The following NWD2 variants were observed in gnomAD, a reference collection of about 807,000 sequenced individuals.
The protein encoded by NWD2 is NACHT and WD repeat domain-containing protein 2.
NWD2 carries 37 observed loss-of-function variants against 132.7 expected under a neutral mutation model. The observed-to-expected ratio is 0.28, with a 90% CI of 0.21 to 0.37. The LOEUF (loss-of-function observed/expected upper bound fraction) is 0.37, where lower values mean the gene tolerates loss of function less well. Among genes scored for constraint, NWD2 ranks in the 10% least tolerant of loss-of-function variants. The pLI is 1.00. For synonymous variants in NWD2, 705 were observed against 803.0 expected, an observed-to-expected ratio of 0.88 and a Z score of 2.06; for missense variants, 1,592 against 2,122.4, an observed-to-expected ratio of 0.75 and a Z score of 4.91.
Position 37,245,138 on chromosome 4 carries a change from C to G in NWD2, c.71C>G (p.Ser24Cys), listed in dbSNP as rs1259257788. ...TCTGCGCTCCGGCGGGCGGCTTTCT[C>G]TGGGAACCTCACGGCCCTGCCCTCT... ...RDSALRRAAF[S>C]GNLTALPSHL... Residue 24 changes from serine to cysteine, a missense_variant, in exon 1 of 7, where the codon TCT becomes TGT. This residue lies in a region of NWD2 where 88 missense variants were observed against 92.8 expected (regional missense o/e 0.95). Coordinates refer to ENST00000309447, the MANE Select transcript of NWD2 (RefSeq NM_001144990.2). The G allele has an allele frequency of 4.5e-6, 7 of 1,547,974 alleles. No homozygotes were observed. The East Asian group carries it at 1.5e-4, about 32-fold the overall frequency.
intron 3 of NWD2, among the ~76,000 whole-genome samples, chr4:37,368,806 C>G (rs1212183681): frequency 6.6e-6 from 1 of 152,098 alleles, no homozygotes; most frequent in Non-Finnish European, 1.5e-5. Flanking sequence ...GAGGCCAGAC[C>G]TTCTAAGTTA....
intron 3 of NWD2, among the ~76,000 whole-genome samples, chr4:37,359,554 C>G (rs28680361): frequency 6.6e-6 from 1 of 151,960 alleles, no homozygotes; most frequent in East Asian, 1.9e-4. Context: ...ATAATACTTC[C>G]CCTAATGCTG....
At chr4:37,255,012 A>G (rs565380379) in intron 1 of NWD2, among the ~76,000 whole-genome samples, 5 of 152,340 alleles carry the variant, frequency 3.3e-5, no homozygotes, top group African/African-American at 1.2e-4. Context: ...CTTGCCGCAG[A>G]ACGTCTCCTT....
intron 3 of NWD2, among the ~76,000 whole-genome samples, chr4:37,402,997 TGA>T (rs373710677): frequency 1.3e-5 from 2 of 151,496 alleles, no homozygotes; most frequent in African/African-American, 2.4e-5. Flanking sequence ...ATTAATTCCC[TGA>T]GAGAGAGAGA....
intron 3 of NWD2, among the ~76,000 whole-genome samples, chr4:37,420,701 A>T (rs1711783391): frequency 6.6e-6 from 1 of 152,138 alleles, no homozygotes; most frequent in African/African-American, 2.4e-5. Flanking sequence ...AAGAATAAAA[A>T]GGAAGAAAAA....
At chr4:37,313,803 A>G (rs1718901991) in intron 1 of NWD2, among the ~76,000 whole-genome samples, 1 of 150,890 alleles carries the variant, frequency 6.6e-6, no homozygotes, top group Non-Finnish European at 1.5e-5. Context: ...GGTTCAAGTG[A>G]TTCTGCTGCC....
chr4:37,415,568 G>C (rs144284640), intron 3 of NWD2, among the ~76,000 whole-genome samples: 7,717 of 152,026 alleles, frequency 0.051, 303 homozygotes, highest in African/African-American at 0.11. Context: ...GCCGGGCGTG[G>C]TGGCAGGTGC....
intron 3 of NWD2, among the ~76,000 whole-genome samples, chr4:37,380,784 TA>T (rs1720436335): frequency 6.6e-6 from 1 of 152,230 alleles, no homozygotes; most frequent in South Asian, 2.1e-4. Context: ...GTGATGAAGC[TA>T]GAATGTGAGC....
At chr4:37,436,869 A>G (rs932797624) in intron 5 of NWD2, among the ~76,000 whole-genome samples, 23 of 152,176 alleles carry the variant, frequency 1.5e-4, no homozygotes, top group African/African-American at 4.8e-4. Context: ...TAGTAGACAT[A>G]TGTTTATAAG....
At chr4:37,327,916 C>T (rs1261448512) in intron 2 of NWD2, among the ~76,000 whole-genome samples, 3 of 152,088 alleles carry the variant, frequency 2.0e-5, no homozygotes, top group African/African-American at 7.2e-5. Flanking sequence ...CTCAAACATA[C>T]CGGTCTACTT....
At chr4:37,436,876 T>C (rs1479037508) in intron 5 of NWD2, among the ~76,000 whole-genome samples, 3 of 152,198 alleles carry the variant, frequency 2.0e-5, no homozygotes, top group African/African-American at 7.2e-5. Context: ...CATATGTTTA[T>C]AAGCTCCTTT....
rs13148545 is a variant in NWD2 at position 37,257,769 on chromosome 4, A to G, written c.151+12551A>G. 2.7e-3 allele frequency among the ~76,000 whole-genome samples: 411 copies of G among 152,330 alleles called. 2 individuals are homozygous for G. Among genetic ancestry groups the G allele is most frequent in the Non-Finnish European group, 4.7e-3 (318 of 68,014 alleles). On this transcript the variant is annotated intron_variant, in intron 1 of 6. Coordinates refer to ENST00000309447, the MANE Select transcript of NWD2 (RefSeq NM_001144990.2). ...ATTTTTAAAATGATGATTTAATTAC[A>G]TGAATTCAGCCCAAACTATAAAATA... is the stretch of plus-strand genomic sequence containing the variant.
In NWD2 at chr4:37,446,566, T is replaced by C; in HGVS notation, c.4578T>C (p.Asn1526=). ...RVQLPNNFLK[N]LEDFEISPNG... is the part of the protein sequence containing the mutation. ...AACTTCCAAACAACTTCTTGAAAAA[T>C]CTGGAGGACTTTGAAATTTCTCCCA... Residue 1526 remains asparagine (N), a synonymous_variant, in exon 7 of 7, where the codon AAT becomes AAC. Coordinates refer to ENST00000309447, the MANE Select transcript of NWD2 (RefSeq NM_001144990.2). This position sits in a 1 kb window ranked among gnomAD's most constrained non-coding sequence, Gnocchi z 6.7. 3.2e-6 allele frequency: 5 copies of C among 1,551,632 alleles called. No individual in the cohort carries two copies. Among genetic ancestry groups the C allele is most frequent in the Non-Finnish European group, 3.5e-6 (4 of 1,146,990 alleles).
At chr4:37,365,006 T>C (rs1720068566) in intron 3 of NWD2, among the ~76,000 whole-genome samples, 1 of 152,194 alleles carries the variant, frequency 6.6e-6, no homozygotes, top group Non-Finnish European at 1.5e-5. Flanking sequence ...AGACTAACAT[T>C]CTATTTTTGT....
At chr4:37,300,153 C>A (rs1560388774) in intron 1 of NWD2, among the ~76,000 whole-genome samples, 1 of 152,168 alleles carries the variant, frequency 6.6e-6, no homozygotes, top group South Asian at 2.1e-4. Context: ...TCGGACAAAA[C>A]TAATTGTTCC....
At chr4:37,281,573 T>A (rs893687231) in intron 1 of NWD2, among the ~76,000 whole-genome samples, 1 of 152,058 alleles carries the variant, frequency 6.6e-6, no homozygotes, top group Non-Finnish European at 1.5e-5. Flanking sequence ...ATATATGTGT[T>A]AAATCGTTCT....
intron 1 of NWD2, among the ~76,000 whole-genome samples, chr4:37,304,948 A>G (rs971817226): frequency 6.6e-6 from 1 of 152,216 alleles, no homozygotes; most frequent in Non-Finnish European, 1.5e-5. Flanking sequence ...TCACTGCCCT[A>G]GTAGAGGTTC....
intron 1 of NWD2, among the ~76,000 whole-genome samples, chr4:37,311,205 C>T (rs906959499): frequency 2.6e-5 from 4 of 152,168 alleles, no homozygotes; most frequent in African/African-American, 9.7e-5. Flanking sequence ...TGAGGAATCG[C>T]CACACTGACT....
intron 1 of NWD2, among the ~76,000 whole-genome samples, chr4:37,249,892 T>TA (rs2109254377): frequency 6.6e-6 from 1 of 152,264 alleles, no homozygotes; most frequent in African/African-American, 2.4e-5. Flanking sequence ...TGTTCTCCGT[T>TA]ACAGTGGAAG....
Sources: gnomAD v4.1 joint callset for allele counts (sites outside exome capture counted in the v4.1 genomes callset) on GRCh38, gnomAD v4.1.1 for gene constraint, gnomAD v4.1.1 regional missense constraint, Gnocchi (gnomAD v3.1) non-coding constraint, MANE v1.5 for transcripts, NCBI Gene and HGNC (gene_info 2026-07-23, HGNC 2026-07-21) for gene names.